Variants in TTLL7 observed in about 807,000 individuals in gnomAD.
TTLL7 encodes the protein tubulin tyrosine ligase like 7.
TTLL7 carries 53 observed loss-of-function variants against 120.2 expected under a neutral mutation model. The ratio of observed to expected loss-of-function variants is 0.44; its 90% CI spans 0.35 to 0.55. The LOEUF is 0.55. TTLL7 is among the 20% of genes least tolerant of loss of function. TTLL7 has a pLI of 0.00. For missense variants in TTLL7, 803 were observed against 1,054.7 expected (o/e 0.76, Z 3.31); for synonymous variants, 353 against 351.7 (o/e 1.00, Z -0.04).
At chr1:83,916,949 T>C (rs962951699) in intron 14 of TTLL7, among the ~76,000 whole-genome samples, 2 of 151,812 alleles carry the variant, frequency 1.3e-5, no homozygotes, top group Non-Finnish European at 2.9e-5. Context: ...AATTTTTTTT[T>C]AATTAGCCAG....
rs530440634 is a variant in TTLL7 at position 83,926,650 on chromosome 1, G to A, written c.1142+2486C>T. On this transcript the variant is annotated intron_variant, in intron 10 of 20. Transcript: ENST00000260505. Reference sequence around the variant, plus strand: ...GAGACTAGTGTCAGAGAAGGCCAGTGAGGCTAAATGTTCAATGGTAGGGTA... The same window carrying A: ...GAGACTAGTGTCAGAGAAGGCCAGTAAGGCTAAATGTTCAATGGTAGGGTA... Among the ~76,000 whole-genome samples, 123 of 152,178 alleles carry A rather than the reference G, an allele frequency of 8.1e-4. 1 individual carries two copies. Among genetic ancestry groups the A allele is most frequent in the Non-Finnish European group, 1.6e-3 (111 of 68,018 alleles).
At chr1:83,970,971 C>G (rs1178803073) in intron 1 of TTLL7, among the ~76,000 whole-genome samples, 1 of 151,910 alleles carries the variant, frequency 6.6e-6, no homozygotes, top group Non-Finnish European at 1.5e-5. Flanking sequence ...AGGGTGAGTA[C>G]TAATTCCATG....
At chr1:83,976,624 G>C (rs549374255) in intron 1 of TTLL7, among the ~76,000 whole-genome samples, 1 of 151,920 alleles carries the variant, frequency 6.6e-6, no homozygotes, top group Non-Finnish European at 1.5e-5. Flanking sequence ...TCCATGCCTA[G>C]TCCCAACAAT....
At chr1:83,942,438 A>G (rs965171758) in intron 7 of TTLL7, 25 bp downstream of exon 7, 20 of 1,557,554 alleles carry the variant, frequency 1.3e-5, no homozygotes, top group Non-Finnish European at 1.7e-5. Flanking sequence ...GAATGAAAAG[A>G]TAAGCTCTGT....
At chr1:83,909,409 G>A (rs138605355) in intron 15 of TTLL7, among the ~76,000 whole-genome samples, 379 of 150,428 alleles carry the variant, frequency 2.5e-3, no homozygotes, top group African/African-American at 8.8e-3. Flanking sequence ...AAATAAGTTT[G>A]AATTTTTCAA....
At chr1:83,874,431 A>T (rs1298077987) in intron 20 of TTLL7, among the ~76,000 whole-genome samples, 2 of 152,054 alleles carry the variant, frequency 1.3e-5, no homozygotes, top group Non-Finnish European at 1.5e-5. Flanking sequence ...TGCTTCTGTG[A>T]ACATTGGTAT....
At chr1:83,884,625 T>A (rs1223000908) in intron 19 of TTLL7, among the ~76,000 whole-genome samples, 1 of 150,450 alleles carries the variant, frequency 6.6e-6, no homozygotes, top group African/African-American at 2.4e-5. Context: ...AATACTGGTG[T>A]TTTTTCCAAA....
At chr1:83,877,719 T>C (rs1032702571) in intron 20 of TTLL7, among the ~76,000 whole-genome samples, 1 of 151,984 alleles carries the variant, frequency 6.6e-6, no homozygotes, top group African/African-American at 2.4e-5. Flanking sequence ...TTCTCCATTT[T>C]ATATTCTTTA....
intron 1 of TTLL7, among the ~76,000 whole-genome samples, chr1:83,961,213 G>A (rs1649989793): frequency 6.6e-6 from 1 of 152,042 alleles, no homozygotes; most frequent in Admixed American, 6.6e-5. Flanking sequence ...GGGAAATATA[G>A]TTCTCTGGAA....
chr1:83,871,000 AAGAC>A (rs1653337278), intron 20 of TTLL7, among the ~76,000 whole-genome samples: 2 of 150,322 alleles, frequency 1.3e-5, no homozygotes, highest in Non-Finnish European at 3.0e-5. Flanking sequence ...AGATTTTAGA[AAGAC>A]AATATGGTGA....
intron 19 of TTLL7, among the ~76,000 whole-genome samples, 176 bp from the exon 20 acceptor site, chr1:83,883,312 T>C (rs1654684297): frequency 6.6e-6 from 1 of 152,048 alleles, no homozygotes; most frequent in Admixed American, 6.6e-5. Context: ...TTAATCTTTA[T>C]ATTAAAGAAA....
chr1:83,933,671 G>T lies in TTLL7; in HGVS notation c.984C>A (p.Val328=). 6.2e-7 allele frequency: 1 copy of T among 1,613,788 alleles called. No individual in the cohort carries two copies. Among genetic ancestry groups the T allele is most frequent in the Non-Finnish European group, 8.5e-7 (1 of 1,179,774 alleles). The change falls in exon 9 of 21, where the codon GTC becomes GTA. Residue 328 remains valine, a synonymous_variant. Coordinates refer to ENST00000260505, the MANE Select transcript of TTLL7 (RefSeq NM_024686.6). ...TATCAAATCCCAGGACTTCAAAGCA[G>T]ACACTTTCGCTTCCTGGAGGTTGAC... is the stretch of plus-strand genomic sequence containing the variant. ...RPGQPPGSES[V]CFEVLGFDIL...
chr1:83,990,770 C>T (rs1369399989), intron 1 of TTLL7, among the ~76,000 whole-genome samples: 2 of 152,132 alleles, frequency 1.3e-5, no homozygotes. Flanking sequence ...GGTGCAACTC[C>T]TATGGAAAAC....
At chr1:83,885,963 G>C (rs1374194732) in intron 19 of TTLL7, among the ~76,000 whole-genome samples, 1 of 151,888 alleles carries the variant, frequency 6.6e-6, no homozygotes, top group Non-Finnish European at 1.5e-5. Context: ...GAATTCAAAA[G>C]GAAAAATTAA....
At chr1:83,994,013 G>T (rs12060909) in intron 1 of TTLL7, among the ~76,000 whole-genome samples, 17 of 152,284 alleles carry the variant, frequency 1.1e-4, no homozygotes, top group African/African-American at 3.9e-4. Context: ...GAGAGAAATG[G>T]AGATAGATTT....
intron 7 of TTLL7, among the ~76,000 whole-genome samples, chr1:83,938,765 T>G (rs1223123165): frequency 6.6e-6 from 1 of 152,248 alleles, no homozygotes; most frequent in Non-Finnish European, 1.5e-5. Flanking sequence ...TAATGGCTTT[T>G]TATCAAGCTA....
At chr1:83,959,076 A>C (rs902886872) in intron 1 of TTLL7, among the ~76,000 whole-genome samples, 2 of 152,218 alleles carry the variant, frequency 1.3e-5, no homozygotes, top group Non-Finnish European at 2.9e-5. Flanking sequence ...ATTATATATT[A>C]ATGTCTAAAG....
chr1:83,929,799 CTG>C (rs1440512728), intron 9 of TTLL7, among the ~76,000 whole-genome samples: 1 of 152,090 alleles, frequency 6.6e-6, no homozygotes, highest in Non-Finnish European at 1.5e-5. Flanking sequence ...AAAAATATAA[CTG>C]GAATAGCTGA....
chr1:83,905,095 A>ATG (rs1362280986), intron 17 of TTLL7, among the ~76,000 whole-genome samples: 1 of 151,988 alleles, frequency 6.6e-6, no homozygotes, highest in African/African-American at 2.4e-5. Context: ...AGAAATATAT[A>ATG]AAATAAAGTG....
Sources: allele counts gnomAD v4.1 joint callset (sites outside exome capture counted in the v4.1 genomes callset), GRCh38; gene constraint gnomAD v4.1.1; transcripts MANE v1.5; gene names NCBI Gene and HGNC (gene_info 2026-07-23, HGNC 2026-07-21).